Variants in CNTLN observed in about 807,000 individuals in gnomAD.
CNTLN encodes the protein centlein, centrosomal protein.
CNTLN carries 212 observed loss-of-function variants against 180.0 expected under a neutral mutation model. The observed-to-expected ratio is 1.18, with a 90% CI of 1.05 to 1.32. The LOEUF is 1.32. Ranked by LOEUF, CNTLN falls within the 40% of genes most tolerant of loss-of-function variation. CNTLN has a pLI of 0.00. For missense variants in CNTLN, 2,095 were observed against 1,610.9 expected (o/e 1.30, Z -5.14); for synonymous variants, 722 against 563.1 (o/e 1.28, Z -3.99).
chr9:17,257,174 T>C (rs1826564926), intron 5 of CNTLN, among the ~76,000 whole-genome samples: 1 of 151,586 alleles, frequency 6.6e-6, no homozygotes, highest in African/African-American at 2.4e-5. Flanking sequence ...CCCCTTCCTG[T>C]GTCCATGTGA....
intron 15 of CNTLN, among the ~76,000 whole-genome samples, chr9:17,400,066 G>A (rs1427717393): frequency 6.6e-6 from 1 of 151,812 alleles, no homozygotes; most frequent in Non-Finnish European, 1.5e-5. Context: ...GCATTTTTAC[G>A]GTGTCTCAGC....
downstream of CNTLN, among the ~76,000 whole-genome samples, chr9:17,504,640 G>A (rs1255662933): frequency 6.6e-6 from 1 of 152,218 alleles, no homozygotes; most frequent in African/African-American, 2.4e-5. Flanking sequence ...GCTCTTATGA[G>A]AGGGAGGTAG....
intron 2 of CNTLN, among the ~76,000 whole-genome samples, chr9:17,222,993 A>G (rs1012075211): frequency 5.3e-5 from 8 of 151,986 alleles, no homozygotes; most frequent in Admixed American, 1.3e-4. Flanking sequence ...TGCCTTATCC[A>G]TGGGGGATAC....
the CNTLN span, among the ~76,000 whole-genome samples, chr9:17,509,462 G>T: frequency 6.6e-6 from 1 of 152,218 alleles, no homozygotes; most frequent in Non-Finnish European, 1.5e-5. Flanking sequence ...AGCATTGTTT[G>T]TGATCAAGGA....
chr9:17,152,129 T>A (rs1381408847), intron 2 of CNTLN, among the ~76,000 whole-genome samples: 6 of 152,170 alleles, frequency 3.9e-5, no homozygotes, highest in Non-Finnish European at 1.5e-5. Context: ...ATTCACTGAG[T>A]TTTTGAAGGG....
intron 8 of CNTLN, among the ~76,000 whole-genome samples, chr9:17,323,566 G>A (rs1221136352): frequency 6.6e-6 from 1 of 152,166 alleles, no homozygotes; most frequent in Non-Finnish European, 1.5e-5. Flanking sequence ...ATTACAGCGC[G>A]GCTTTCTGCT....
At chr9:17,443,681 ATATACCTATGGTATATT>A (rs377428002) in intron 18 of CNTLN, among the ~76,000 whole-genome samples, 1,560 of 152,264 alleles carry the variant, frequency 0.01, 19 homozygotes, top group African/African-American at 0.036. Flanking sequence ...ATTTTTCTTT[ATATACCTATGGTATATT>A]GAAATATTTC....
chr9:17,361,315 A>G (rs1823373053), intron 12 of CNTLN, among the ~76,000 whole-genome samples: 2 of 152,046 alleles, frequency 1.3e-5, no homozygotes, highest in Non-Finnish European at 2.9e-5. Context: ...GTTTTAGAGT[A>G]TCATTTACTA....
Position 17,394,565 on chromosome 9 carries a change from T to C in CNTLN, c.2111T>C (p.Phe704Ser), listed in dbSNP as rs773563621. 20 of 1,585,186 alleles carry C rather than the reference T, an allele frequency of 1.3e-5. No individual in the cohort carries two copies. Among genetic ancestry groups the C allele is most frequent in the Non-Finnish European group, 1.5e-5 (17 of 1,171,788 alleles). The change falls in exon 15 of 26, where the codon TTT (phenylalanine) becomes TCT (serine). Residue 704 changes from phenylalanine (F) to serine (S), a missense_variant. Phe to Ser is a radical substitution (Grantham distance 155). Coordinates refer to ENST00000380647, the MANE Select transcript of CNTLN (RefSeq NM_017738.4). Reference protein sequence around the residue: ...VTELENRLKSFEKRSRKLKEG... With the variant: ...VTELENRLKSSEKRSRKLKEG... ...GAGTTGGAAAATCGGCTGAAATCTT[T>C]TGAGAAAAGGTCGAGAAAATTAAAA...
chr9:17,150,543 G>A (rs1473709161), intron 2 of CNTLN, among the ~76,000 whole-genome samples: 4 of 152,162 alleles, frequency 2.6e-5, no homozygotes, highest in Admixed American at 1.3e-4. Flanking sequence ...TGCTGTTTTG[G>A]TTACTGTAGC....
At chr9:17,192,793 C>T (rs1015095073) in intron 2 of CNTLN, among the ~76,000 whole-genome samples, 1 of 152,078 alleles carries the variant, frequency 6.6e-6, no homozygotes, top group Non-Finnish European at 1.5e-5. Flanking sequence ...TTTTAAGATC[C>T]TAGACTTATT....
intron 18 of CNTLN, chr9:17,444,269 C>T (rs950948081): frequency 6.6e-6 from 1 of 152,174 alleles, no homozygotes; most frequent in Non-Finnish European, 1.5e-5. Flanking sequence ...TCTTATAGCT[C>T]TACCTCAGAG....
intron 12 of CNTLN, among the ~76,000 whole-genome samples, chr9:17,354,226 A>G (rs1822624764): frequency 6.6e-6 from 1 of 152,050 alleles, no homozygotes; most frequent in African/African-American, 2.4e-5. Flanking sequence ...CACCCACTCC[A>G]TGGGCTCCTG....
At chr9:17,443,254 C>T (rs1417143241) in intron 18 of CNTLN, among the ~76,000 whole-genome samples, 2 of 152,196 alleles carry the variant, frequency 1.3e-5, no homozygotes, top group African/African-American at 4.8e-5. Flanking sequence ...TTATGCTTGT[C>T]TCCACAGAAT....
rs564427342 is a variant in CNTLN, at chr9:17,343,592, G to C, written c.1886+1148G>C. Among the ~76,000 whole-genome samples, 117 of 152,204 alleles carry C rather than the reference G, an allele frequency of 7.7e-4. No homozygotes were observed. In the South Asian group the frequency reaches 0.023, roughly 30 times the overall value. ...TCTAAATATTTGATGCTATAATGAAGGCTCTTATCTTGAAAACTATTTTAT... is the reference window on the plus strand; with the variant it reads ...TCTAAATATTTGATGCTATAATGAACGCTCTTATCTTGAAAACTATTTTAT... On this transcript the variant is annotated intron_variant, in intron 12 of 25. Coordinates refer to ENST00000380647, the MANE Select transcript of CNTLN (RefSeq NM_017738.4).
chr9:17,235,775 A>G lies in CNTLN; in HGVS notation c.652A>G (p.Lys218Glu). 2 of 1,605,200 alleles carry G rather than the reference A, an allele frequency of 1.2e-6. No homozygotes were observed. The highest frequency in any genetic ancestry group is 4.5e-5 in the East Asian group (2 of 44,704). ...FSDLEKKFKD[K>E]SQEIKDTKEC... is the part of the protein sequence containing the mutation. ...TGACTTGGAGAAGAAATTTAAAGAT[A>G]AAAGTCAAGAAATTAAGGTGTGTTG... Residue 218 changes from lysine (K) to glutamate (E), a missense_variant, in exon 4 of 26, where the codon AAA becomes GAA. Lys to Glu is a moderately conservative substitution (Grantham distance 56, BLOSUM62 1). Transcript: ENST00000380647.
At chr9:17,263,788 G>A (rs1827192284) in intron 5 of CNTLN, among the ~76,000 whole-genome samples, 1 of 144,922 alleles carries the variant, frequency 6.9e-6, no homozygotes, top group South Asian at 2.4e-4. Flanking sequence ...TTTCTCTGAT[G>A]GCCAGTGATG....
chr9:17,208,479 C>T (rs1194952367), intron 2 of CNTLN, among the ~76,000 whole-genome samples: 1 of 152,088 alleles, frequency 6.6e-6, no homozygotes, highest in Admixed American at 6.6e-5. Context: ...GTAAGACTAG[C>T]CTTGTTGAAT....
the CNTLN span, among the ~76,000 whole-genome samples, chr9:17,511,443 C>CA: frequency 6.6e-6 from 1 of 152,148 alleles, no homozygotes; most frequent in Non-Finnish European, 1.5e-5. Context: ...TCTCACAAGG[C>CA]TGCAGTCATC....
Sources: allele counts gnomAD v4.1 joint callset (sites outside exome capture counted in the v4.1 genomes callset), GRCh38; gene constraint gnomAD v4.1.1; transcripts MANE v1.5; gene names NCBI Gene and HGNC (gene_info 2026-07-23, HGNC 2026-07-21).